CCDC148: variants seen among roughly 807,000 people sequenced by gnomAD.
CCDC148 encodes coiled-coil domain-containing protein 148.
A neutral mutation model predicts 85.7 loss-of-function variants in CCDC148; 89 were observed. The ratio of observed to expected loss-of-function variants is 1.04; its 90% CI spans 0.87 to 1.24. CCDC148 has a LOEUF of 1.24. Ranked by LOEUF, CCDC148 falls within the 50% of genes most tolerant of loss-of-function variation. The pLI is 0.00. For synonymous variants in CCDC148, 230 were observed against 213.9 expected (o/e 1.08, Z -0.66); for missense variants, 692 against 671.7 (o/e 1.03, Z -0.33).
intron 10 of CCDC148, among the ~76,000 whole-genome samples, chr2:158,244,912 G>C (rs1260234364): frequency 6.6e-6 from 1 of 151,964 alleles, no homozygotes; most frequent in Non-Finnish European, 1.5e-5. Flanking sequence ...TTAAAGCCTG[G>C]GAATTTTTTA....
chr2:158,371,685 T>TATAC (rs1553515009), intron 1 of CCDC148, among the ~76,000 whole-genome samples: 6 of 151,092 alleles, frequency 4.0e-5, no homozygotes, highest in African/African-American at 1.5e-4. Context: ...TATATATATA[T>TATAC]ACACACGTGC....
chr2:158,332,427 G>A (rs1036401483), intron 7 of CCDC148, among the ~76,000 whole-genome samples: 1 of 141,000 alleles, frequency 7.1e-6, no homozygotes, highest in African/African-American at 2.8e-5. Flanking sequence ...TTTCTCTCTG[G>A]CTGCCCTTAA....
chr2:158,425,171 A>G (rs1427410005), intron 1 of CCDC148: 2 of 523,994 alleles, frequency 3.8e-6, no homozygotes, highest in African/African-American at 3.9e-5. Context: ...GCTATGGCAG[A>G]TATGATCATG....
At chr2:158,223,257 G>A (rs1196983630) in intron 10 of CCDC148, among the ~76,000 whole-genome samples, 1 of 152,178 alleles carries the variant, frequency 6.6e-6, no homozygotes, top group African/African-American at 2.4e-5. Flanking sequence ...CAAGGCAGCA[G>A]CGAGGCTGGG....
intron 7 of CCDC148, among the ~76,000 whole-genome samples, chr2:158,332,262 A>T (rs1421773930): frequency 1.3e-5 from 2 of 151,812 alleles, no homozygotes; most frequent in African/African-American, 4.8e-5. Flanking sequence ...TCCTTCACTT[A>T]TGAAGCTTAG....
intron 7 of CCDC148, among the ~76,000 whole-genome samples, chr2:158,315,704 T>C (rs572518120): frequency 1.7e-3 from 251 of 152,102 alleles, no homozygotes; most frequent in Non-Finnish European, 2.2e-3. Flanking sequence ...TCTTGGCAGA[T>C]AACTCACAGA....
chr2:158,407,657 C>A (rs1413189406), intron 1 of CCDC148, among the ~76,000 whole-genome samples: 2 of 152,130 alleles, frequency 1.3e-5, no homozygotes, highest in Non-Finnish European at 2.9e-5. Context: ...GGCTAAAATA[C>A]TTAGTATAGA....
chr2:158,329,845 T>C (rs1437542972), intron 7 of CCDC148, among the ~76,000 whole-genome samples: 2 of 152,234 alleles, frequency 1.3e-5, no homozygotes, highest in African/African-American at 4.8e-5. Flanking sequence ...CTTGTGATTT[T>C]TGCACATTGA....
At chr2:158,190,044 C>T (rs955253796) in intron 11 of CCDC148, among the ~76,000 whole-genome samples, 1 of 151,922 alleles carries the variant, frequency 6.6e-6, no homozygotes, top group Non-Finnish European at 1.5e-5. Flanking sequence ...ATACATTATT[C>T]CTTTAAGCCT....
At chr2:158,329,760 C>G (rs554084541) in intron 7 of CCDC148, among the ~76,000 whole-genome samples, 1 of 152,064 alleles carries the variant, frequency 6.6e-6, no homozygotes, top group Admixed American at 6.5e-5. Context: ...GTATTTTATT[C>G]TCTTTGAAGC....
chr2:158,204,822 C>T (rs1307021004), intron 11 of CCDC148, among the ~76,000 whole-genome samples: 1 of 152,184 alleles, frequency 6.6e-6, no homozygotes, highest in African/African-American at 2.4e-5. Context: ...GAGGAAGTCA[C>T]ATTTGTGCAG....
At chr2:158,255,709 T>C (rs575004693) in intron 9 of CCDC148, among the ~76,000 whole-genome samples, 2 of 151,870 alleles carry the variant, frequency 1.3e-5, no homozygotes, top group African/African-American at 2.4e-5. Context: ...TTGCTAATTA[T>C]ATAGCTTTAA....
intron 10 of CCDC148, among the ~76,000 whole-genome samples, chr2:158,241,033 C>G (rs1688330359): frequency 6.6e-6 from 1 of 152,032 alleles, no homozygotes; most frequent in Admixed American, 6.6e-5. Flanking sequence ...GATACTGGAA[C>G]AGGAAATAAA....
chr2:158,322,337 A>G (rs546801406), intron 7 of CCDC148, among the ~76,000 whole-genome samples: 1 of 152,234 alleles, frequency 6.6e-6, no homozygotes, highest in East Asian at 1.9e-4. Flanking sequence ...ATATATTGTA[A>G]AATAATATTT....
chr2:158,216,296 T>C (rs1686851538), intron 11 of CCDC148, among the ~76,000 whole-genome samples: 4 of 151,958 alleles, frequency 2.6e-5, no homozygotes, highest in Admixed American at 1.3e-4. Flanking sequence ...ACATGTTTTA[T>C]TTAAAATATT....
At position 158,225,603 on chromosome 2, in the gene CCDC148, G is replaced by A. The variant is rs1687468481; in HGVS notation, c.1252-4890C>T. Among the ~76,000 whole-genome samples the A allele has an allele frequency of 1.3e-5, 2 of 152,148 alleles. 1 individual carries two copies. Among genetic ancestry groups the A allele is most frequent in the Non-Finnish European group, 2.9e-5 (2 of 68,024 alleles). The stretch of plus-strand genomic sequence containing the variant: ...AAAAGAATAGAAATTATAACAAACT[G>A]TCTGTCAGACCACAGTGCAATCAAA... On this transcript the variant is annotated intron_variant, in intron 10 of 13. Transcript: ENST00000283233.
chr2:158,324,911 C>T (rs190514185), intron 7 of CCDC148, among the ~76,000 whole-genome samples: 2 of 152,140 alleles, frequency 1.3e-5, no homozygotes, highest in Admixed American at 1.3e-4. Flanking sequence ...GCAACCTCAC[C>T]TGTTAGAGTA....
chr2:158,242,955 C>T (rs1333426916), intron 10 of CCDC148, among the ~76,000 whole-genome samples: 1 of 151,980 alleles, frequency 6.6e-6, no homozygotes, highest in Non-Finnish European at 1.5e-5. Context: ...TGGGAACTTC[C>T]TCTCCCCAGG....
chr2:158,226,020 G>A (rs187477258), intron 10 of CCDC148, among the ~76,000 whole-genome samples: 4 of 152,268 alleles, frequency 2.6e-5, no homozygotes, highest in Admixed American at 1.3e-4. Flanking sequence ...CTAGGAACTG[G>A]TTTTTTGAAA....
Sources: gnomAD v4.1 joint callset for allele counts (sites outside exome capture counted in the v4.1 genomes callset) on GRCh38, gnomAD v4.1.1 for gene constraint, MANE v1.5 for transcripts, NCBI Gene and HGNC (gene_info 2026-07-23, HGNC 2026-07-21) for gene names.